The following CHD8 variants were observed in gnomAD, a reference collection of about 807,000 sequenced individuals.
CHD8 encodes chromodomain helicase DNA binding protein 8.
A neutral mutation model predicts 279.2 loss-of-function variants in CHD8; 31 were observed. That is an observed-to-expected ratio of 0.11 (90% CI 0.08 to 0.15). CHD8 has a LOEUF of 0.15. Among genes scored for constraint, CHD8 ranks in the 10% least tolerant of loss-of-function variants. The pLI is 1.00. For synonymous variants in CHD8, 1,081 were observed against 1,139.6 expected, an observed-to-expected ratio of 0.95 and a Z score of 1.04; for missense variants, 2,146 against 3,230.5, an observed-to-expected ratio of 0.66 and a Z score of 8.14.
chr14:21,436,642 A>G (rs538916042), intron 1 of CHD8, among the ~76,000 whole-genome samples: 4 of 152,234 alleles, frequency 2.6e-5, no homozygotes, highest in Non-Finnish European at 4.4e-5. Context: ...AATTACTGAA[A>G]GAGAAAGCAC....
In CHD8 at chr14:21,394,993, G is replaced by C. The variant is rs1408514675; in HGVS notation, c.5309C>G (p.Ala1770Gly). 8 of 1,613,996 alleles carry C rather than the reference G, an allele frequency of 5.0e-6. No individual in the cohort carries two copies. The highest frequency in any genetic ancestry group is 1.3e-5 in the African/African-American group (1 of 75,042). ...YKREQMKIEA[A>G]ERGDRRRRRC... ...CCGCCTTCGCCGGTCCCCACGTTCT[G>C]CAGCCTCTATCTTCATTTGTTCTCT... Residue 1770 changes from alanine to glycine, a missense_variant, in exon 30 of 38, where the codon GCA (alanine) becomes GGA (glycine). Physicochemically the swap from Ala to Gly is moderately conservative, Grantham distance 60. Around this residue, in one of 26 missense-constraint regions of CHD8, gnomAD observed 513 missense variants for 637.6 expected, o/e 0.80. Transcript: ENST00000646647.
chr14:21,393,375 A>T, intron 32 of CHD8, 101 bp downstream of exon 32: 1 of 1,510,006 alleles, frequency 6.6e-7, no homozygotes, highest in Non-Finnish European at 8.9e-7. Flanking sequence ...ATTTTATCAA[A>T]TCAAAATCCA....
intron 1 of CHD8, among the ~76,000 whole-genome samples, chr14:21,449,272 T>C (rs928279535): frequency 6.6e-6 from 1 of 152,232 alleles, no homozygotes; most frequent in African/African-American, 2.4e-5. Context: ...TTGTGTTACC[T>C]AACCTCACAG....
At chr14:21,392,344 C>A in intron 34 of CHD8, 163 bp downstream of exon 34, 2 of 802,228 alleles carry the variant, frequency 2.5e-6, no homozygotes, top group South Asian at 3.2e-5. Flanking sequence ...ATAAGGAAAA[C>A]AACCAGGAAA....
rs1352707177 is a variant in CHD8, at chr14:21,399,659, T to C, written c.4864A>G (p.Thr1622Ala). 1 of 1,613,800 alleles carries C rather than the reference T, an allele frequency of 6.2e-7. No individual in the cohort carries two copies. The highest frequency in any genetic ancestry group is 1.1e-5 in the South Asian group (1 of 91,080). ...FPVVDQLEVP[T>A]TWWDSEADKS... is the part of the protein sequence containing the mutation. ...TCAGCCTCACTGTCCCACCAAGTTG[T>C]TGGAACCTCCAGTTGATCCACTACT... The change falls in exon 26 of 38, where the codon ACA (threonine) becomes GCA (alanine). Residue 1622 changes from threonine to alanine, a missense_variant. Physicochemically the swap from Thr to Ala is moderately conservative, Grantham distance 58. This residue lies in a region of CHD8 where 33 missense variants were observed against 34.8 expected (regional missense o/e 0.95). Coordinates refer to ENST00000646647, the MANE Select transcript of CHD8 (RefSeq NM_001170629.2).
Position 21,393,034 on chromosome 14 carries a change from C to T in CHD8, c.6468+72G>A, listed in dbSNP as rs1003649965. 3 of 1,492,040 alleles carry T rather than the reference C, an allele frequency of 2.0e-6. No individual in the cohort carries two copies. In the African/African-American group the frequency reaches 4.2e-5, roughly 21 times the overall value. 92.4% of individuals were successfully genotyped at this position (1,492,040 alleles called of 1,614,324 possible). ...TTTTAAAAATCCAGAACCATATGTTCCTTTTTCCCCGGATATACTGTTACA... is the reference window on the plus strand; with the variant it reads ...TTTTAAAAATCCAGAACCATATGTTTCTTTTTCCCCGGATATACTGTTACA... On this transcript the variant is annotated intron_variant, in intron 33 of 37. Coordinates refer to ENST00000646647, the MANE Select transcript of CHD8 (RefSeq NM_001170629.2).
At chr14:21,419,583 C>CA (rs141007691) in intron 5 of CHD8, 5,304 of 155,450 alleles carry the variant, frequency 0.034, 312 homozygotes, top group African/African-American at 0.12. Flanking sequence ...TAAAAGAAAA[C>CA]AAAAAAAATA....
In CHD8 at chr14:21,393,116, T is replaced by C. The variant is rs1427026376; in HGVS notation, c.6458A>G (p.Glu2153Gly). Residue 2153 changes from glutamate (E) to glycine (G), a missense_variant, in exon 33 of 38, where the codon GAG (glutamate) becomes GGG (glycine). Coordinates refer to ENST00000646647, the MANE Select transcript of CHD8 (RefSeq NM_001170629.2). Reference sequence around the variant, plus strand: ...GAGGCTGTTTGTTACCTTGGGCCACTCAGAGGCTCTTTGTCTTTCCTGCAG... The same window carrying C: ...GAGGCTGTTTGTTACCTTGGGCCACCCAGAGGCTCTTTGTCTTTCCTGCAG... ...LLLQERQRAS[E>G]WPKDRVLINR... The C allele has an allele frequency of 6.2e-7, 1 of 1,613,692 alleles. No individual in the cohort carries two copies. Among genetic ancestry groups the C allele is most frequent in the South Asian group, 1.1e-5 (1 of 91,058 alleles).
chr14:21,406,559 G>A (rs1435975039), intron 14 of CHD8, among the ~76,000 whole-genome samples: 7 of 152,168 alleles, frequency 4.6e-5, no homozygotes, highest in Admixed American at 4.6e-4. Flanking sequence ...GGTTGAGCTA[G>A]AAGATCATGA....
At chr14:21,450,883 T>C (rs1317307312) in intron 1 of CHD8, among the ~76,000 whole-genome samples, 2 of 151,554 alleles carry the variant, frequency 1.3e-5, no homozygotes, top group African/African-American at 2.4e-5. Flanking sequence ...GGATTGGCAC[T>C]ATCACATTTA....
At chr14:21,414,859 T>C in intron 8 of CHD8, 79 bp downstream of exon 8, 1 of 1,054,118 alleles carries the variant, frequency 9.5e-7, no homozygotes, top group Non-Finnish European at 1.4e-6. Flanking sequence ...AGGGACACAT[T>C]CCCACCCAGG....
At chr14:21,426,288 T>G in intron 4 of CHD8, 46 bp from the exon 5 acceptor site, 1 of 983,512 alleles carries the variant, frequency 1.0e-6, no homozygotes, top group Middle Eastern at 2.1e-4. Context: ...GCAAAGAAAA[T>G]TTAGGAGTAA....
chr14:21,432,117 GCTGT>G (rs1889589925), intron 1 of CHD8, among the ~76,000 whole-genome samples: 2 of 152,236 alleles, frequency 1.3e-5, no homozygotes, highest in African/African-American at 2.4e-5. Flanking sequence ...AGAGCATTTG[GCTGT>G]CTTTCTCCGT....
intron 10 of CHD8, 81 bp downstream of exon 10, chr14:21,412,832 A>G: frequency 2.4e-6 from 2 of 837,130 alleles, no homozygotes; most frequent in East Asian, 2.5e-5. Context: ...CTGCATCCAT[A>G]CCCGAAAAAT....
chr14:21,394,217 G>T (rs759337146), intron 31 of CHD8, 22 bp from the exon 32 acceptor site: 1 of 1,610,680 alleles, frequency 6.2e-7, no homozygotes, highest in African/African-American at 1.3e-5. Flanking sequence ...AGGAGTAGAA[G>T]AAATTAACAG....
chr14:21,418,792 G>T (rs188366058), intron 5 of CHD8, among the ~76,000 whole-genome samples: 1 of 152,382 alleles, frequency 6.6e-6, no homozygotes. Flanking sequence ...CTCCAGTCCA[G>T]CCTGGGCGAC....
chr14:21,395,396 A>AG (rs763779239), intron 28 of CHD8, 44 bp from the exon 29 acceptor site: 13 of 1,429,830 alleles, frequency 9.1e-6, no homozygotes, highest in Middle Eastern at 1.7e-4. Context: ...GGGGAGGGAA[A>AG]GGGGGGGAAG....
At position 21,406,991 on chromosome 14, in the gene CHD8, G is replaced by A. The variant is rs1422211305; in HGVS notation, c.2772C>T (p.Ile924=). ...CTGACAAAATCATCTCAAAAGTGGTGATCAGAGCGTCAAACTTGTATGCGC... is the reference window on the plus strand; with the variant it reads ...CTGACAAAATCATCTCAAAAGTGGTAATCAGAGCGTCAAACTTGTATGCGC... ...IPGAYKFDAL[I]TTFEMILSDC... is the part of the protein sequence containing the mutation. Residue 924 remains isoleucine, a synonymous_variant, in exon 14 of 38, where the codon ATC becomes ATT. Transcript: ENST00000646647. 5 of 1,600,876 alleles carry A rather than the reference G, an allele frequency of 3.1e-6. No individual in the cohort carries two copies. The highest frequency in any genetic ancestry group is 4.3e-6 in the Non-Finnish European group (5 of 1,173,228).
chr14:21,404,416 A>C (rs576676403), intron 16 of CHD8, among the ~76,000 whole-genome samples: 117 of 152,006 alleles, frequency 7.7e-4, no homozygotes, highest in African/African-American at 2.6e-3. Context: ...AAAAAAAAAA[A>C]AAAACTTAAA....
Sources: allele counts gnomAD v4.1 joint callset (sites outside exome capture counted in the v4.1 genomes callset), GRCh38; gene constraint gnomAD v4.1.1; regional missense constraint gnomAD v4.1.1; transcripts MANE v1.5; gene names NCBI Gene and HGNC (gene_info 2026-07-23, HGNC 2026-07-21).